The following CCDC6 variants were observed in gnomAD, a reference collection of about 807,000 sequenced individuals.
CCDC6 encodes the protein coiled-coil domain containing 6.
Under a neutral mutation model 56.6 loss-of-function variants are expected in CCDC6, and 20 were observed. The ratio of observed to expected loss-of-function variants is 0.35; its 90% CI spans 0.25 to 0.51. The LOEUF (loss-of-function observed/expected upper bound fraction) is 0.51, where lower values mean the gene tolerates loss of function less well. Ranked by LOEUF, CCDC6 falls within the 20% of genes least tolerant of loss-of-function variation. The pLI is 0.95. For missense variants in CCDC6, 367 were observed against 601.1 expected (o/e 0.61, Z 4.07); for synonymous variants, 241 against 234.4 (o/e 1.03, Z -0.26).
chr10:59,904,883 T>C (rs1306278089), intron 1 of CCDC6, among the ~76,000 whole-genome samples: 1 of 152,190 alleles, frequency 6.6e-6, no homozygotes, highest in African/African-American at 2.4e-5. Context: ...CGCACACATA[T>C]ACACAGCCTC....
chr10:59,906,466 G>T lies in CCDC6; in HGVS notation c.-42C>A. 2 of 1,441,930 alleles carry T rather than the reference G, an allele frequency of 1.4e-6. No homozygotes were observed. The highest frequency in any genetic ancestry group is 1.8e-6 in the Non-Finnish European group (2 of 1,110,926). 89.3% of individuals were successfully genotyped at this position (1,441,930 alleles called of 1,614,324 possible). A position where few individuals can be genotyped will look rare whatever the true frequency, so the allele number is the denominator to read the frequency against. The stretch of plus-strand genomic sequence containing the variant: ...GGAAAGGAGGAGGAGCAGCAGGGAG[G>T]CGGCGGCGACGAAGGCCGGGCTGCG... On this transcript the variant is annotated 5_prime_UTR_variant, in exon 1 of 9. Transcript: ENST00000263102.
At chr10:59,837,096 T>C (rs905521905) in intron 2 of CCDC6, among the ~76,000 whole-genome samples, 3 of 152,226 alleles carry the variant, frequency 2.0e-5, no homozygotes, top group Non-Finnish European at 4.4e-5. Flanking sequence ...TACCAATAAT[T>C]GTTGTGCTTA....
intron 1 of CCDC6, among the ~76,000 whole-genome samples, chr10:59,898,034 A>C (rs2071477010): frequency 1.3e-5 from 2 of 152,242 alleles, no homozygotes; most frequent in African/African-American, 4.8e-5. Flanking sequence ...CCCATCAATC[A>C]GCACTGCTTT....
intron 3 of CCDC6, 47 bp from the exon 4 acceptor site, chr10:59,814,802 TTTG>T: frequency 8.2e-7 from 1 of 1,220,152 alleles, no homozygotes; most frequent in Non-Finnish European, 1.2e-6. Context: ...CCACTTATAC[TTTG>T]TTAATACATT....
chr10:59,818,775 G>A (rs1444773600), intron 3 of CCDC6, among the ~76,000 whole-genome samples: 2 of 151,826 alleles, frequency 1.3e-5, no homozygotes, highest in Non-Finnish European at 3.0e-5. Context: ...GAATAAGCAC[G>A]TTAGAAAATG....
chr10:59,860,818 C>T (rs1057305014), intron 1 of CCDC6, among the ~76,000 whole-genome samples: 2 of 152,040 alleles, frequency 1.3e-5, no homozygotes, highest in South Asian at 2.1e-4. Flanking sequence ...GAGGCCAAGG[C>T]GGGTGGATCA....
chr10:59,823,394 T>G (rs961378452), intron 3 of CCDC6, among the ~76,000 whole-genome samples: 1 of 152,150 alleles, frequency 6.6e-6, no homozygotes, highest in Admixed American at 6.5e-5. Context: ...CAGAGTTCGT[T>G]CCTGCCAGTA....
chr10:59,851,663 AT>A (rs2071040611), intron 2 of CCDC6, among the ~76,000 whole-genome samples: 1 of 152,220 alleles, frequency 6.6e-6, no homozygotes, highest in Non-Finnish European at 1.5e-5. Context: ...ATAACTTCTT[AT>A]TACAACCTCA....
At chr10:59,857,560 T>C (rs1462172934) in intron 1 of CCDC6, among the ~76,000 whole-genome samples, 1 of 152,110 alleles carries the variant, frequency 6.6e-6, no homozygotes. Context: ...CTATTAAGCA[T>C]AAGAAAGAGA....
At chr10:59,895,135 A>G (rs111919773) in intron 1 of CCDC6, among the ~76,000 whole-genome samples, 2 of 152,080 alleles carry the variant, frequency 1.3e-5, no homozygotes, top group South Asian at 4.1e-4. Flanking sequence ...GACCCTCTAT[A>G]AAAAATAATA....
intron 2 of CCDC6, among the ~76,000 whole-genome samples, chr10:59,851,940 G>A (rs754228799): frequency 3.3e-5 from 5 of 151,792 alleles, no homozygotes; most frequent in Non-Finnish European, 5.9e-5. Flanking sequence ...AAAAAAGGAG[G>A]GGGAGAGAAT....
At chr10:59,868,646 C>T (rs2071198686) in intron 1 of CCDC6, among the ~76,000 whole-genome samples, 1 of 152,128 alleles carries the variant, frequency 6.6e-6, no homozygotes, top group African/African-American at 2.4e-5. Context: ...CGCTTTCCTC[C>T]CCTTCTCTTT....
intron 1 of CCDC6, among the ~76,000 whole-genome samples, chr10:59,863,500 G>A (rs536517695): frequency 6.6e-6 from 1 of 152,224 alleles, no homozygotes; most frequent in East Asian, 1.9e-4. Flanking sequence ...AAAATGCCCA[G>A]AATGGGCATA....
chr10:59,872,786 G>T (rs897741480), intron 1 of CCDC6, among the ~76,000 whole-genome samples: 2 of 137,998 alleles, frequency 1.4e-5, no homozygotes, highest in African/African-American at 5.5e-5. Context: ...AGATGGGGGG[G>T]TGGGGGAAGG....
intron 1 of CCDC6, among the ~76,000 whole-genome samples, chr10:59,900,755 G>T (rs2071498995): frequency 6.6e-6 from 1 of 152,188 alleles, no homozygotes; most frequent in African/African-American, 2.4e-5. Context: ...AGACTGTCAT[G>T]ACCTTTAAAA....
At chr10:59,901,239 A>C (rs1184184079) in intron 1 of CCDC6, among the ~76,000 whole-genome samples, 1 of 152,220 alleles carries the variant, frequency 6.6e-6, no homozygotes, top group African/African-American at 2.4e-5. Flanking sequence ...GTTGTGTCTA[A>C]AGTTGTGTGT....
At chr10:59,813,117 C>G (rs913660465) in intron 4 of CCDC6, among the ~76,000 whole-genome samples, 3 of 152,122 alleles carry the variant, frequency 2.0e-5, no homozygotes, top group African/African-American at 4.8e-5. Context: ...TTAGAAATAC[C>G]TGCTGACTCA....
At chr10:59,798,257 G>T (rs911451674) in intron 7 of CCDC6, among the ~76,000 whole-genome samples, 2 of 152,208 alleles carry the variant, frequency 1.3e-5, no homozygotes, top group African/African-American at 4.8e-5. Flanking sequence ...CAAGCAATGT[G>T]AACTCCACTT....
chr10:59,803,886 A>G (rs2070597007), intron 7 of CCDC6, among the ~76,000 whole-genome samples: 1 of 152,230 alleles, frequency 6.6e-6, no homozygotes, highest in East Asian at 1.9e-4. Flanking sequence ...GCTAGAAAGA[A>G]CACACAGGCT....
Sources: gnomAD v4.1 joint callset for allele counts (sites outside exome capture counted in the v4.1 genomes callset) on GRCh38, gnomAD v4.1.1 for gene constraint, MANE v1.5 for transcripts, NCBI Gene and HGNC (gene_info 2026-07-23, HGNC 2026-07-21) for gene names.